Variants in SCAPER observed in about 807,000 individuals in gnomAD.
SCAPER encodes S phase cyclin A-associated protein in the endoplasmic reticulum.
Under a neutral mutation model 182.2 loss-of-function variants are expected in SCAPER, and 98 were observed. The observed-to-expected ratio is 0.54, with a 90% CI of 0.46 to 0.64. The LOEUF (loss-of-function observed/expected upper bound fraction) is 0.64. SCAPER is among the 30% of genes least tolerant of loss of function. SCAPER has a pLI of 0.00. For missense variants in SCAPER, 1,432 were observed against 1,690.0 expected, an observed-to-expected ratio of 0.85 and a Z score of 2.68; for synonymous variants, 605 against 564.6, an observed-to-expected ratio of 1.07 and a Z score of -1.01.
chr15:76,769,639 G>A (rs181891115), intron 10 of SCAPER, among the ~76,000 whole-genome samples: 19 of 150,868 alleles, frequency 1.3e-4, no homozygotes, highest in Admixed American at 4.0e-4. Context: ...CAGTTAGAAC[G>A]GCGATCATTA....
intron 21 of SCAPER, among the ~76,000 whole-genome samples, chr15:76,635,058 C>T (rs115278166): frequency 0.015 from 2,353 of 152,142 alleles, 60 homozygotes; most frequent in African/African-American, 0.054. Flanking sequence ...AAGACTGAAA[C>T]GTTTCTAATA....
chr15:76,397,088 T>C (rs941014268), intron 27 of SCAPER, among the ~76,000 whole-genome samples: 1 of 152,072 alleles, frequency 6.6e-6, no homozygotes, highest in African/African-American at 2.4e-5. Flanking sequence ...GAAATGATCA[T>C]TTAGTTTTTG....
intron 24 of SCAPER, among the ~76,000 whole-genome samples, chr15:76,487,749 C>A (rs78720808): frequency 9.2e-5 from 14 of 152,106 alleles, no homozygotes; most frequent in African/African-American, 2.9e-4. Context: ...TAATCTCCTG[C>A]AATTCTTATT....
chr15:76,828,405 C>T (rs1358041043), intron 5 of SCAPER, among the ~76,000 whole-genome samples: 1 of 151,786 alleles, frequency 6.6e-6, no homozygotes, highest in Non-Finnish European at 1.5e-5. Flanking sequence ...AAAATCAATG[C>T]TCTATCATAT....
chr15:76,572,425 T>C (rs560669497), intron 23 of SCAPER, among the ~76,000 whole-genome samples: 2 of 152,234 alleles, frequency 1.3e-5, no homozygotes, highest in Non-Finnish European at 1.5e-5. Flanking sequence ...ACCTCTGATA[T>C]CCTGAAAGGG....
At chr15:76,815,418 T>C (rs1197934642) in intron 5 of SCAPER, among the ~76,000 whole-genome samples, 3 of 152,154 alleles carry the variant, frequency 2.0e-5, no homozygotes, top group African/African-American at 4.8e-5. Flanking sequence ...TACACACACA[T>C]ACATACAGTC....
At chr15:76,715,297 G>A (rs6495214) in intron 17 of SCAPER, among the ~76,000 whole-genome samples, 14,124 of 151,678 alleles carry the variant, frequency 0.093, 827 homozygotes, top group African/African-American at 0.16. Flanking sequence ...CCCCACCCCG[G>A]CCCAGGGATC....
chr15:76,421,630 A>G (rs1294646498), intron 26 of SCAPER, among the ~76,000 whole-genome samples: 1 of 152,056 alleles, frequency 6.6e-6, no homozygotes. Context: ...GTTTAATTAG[A>G]TCCCATTTGT....
At chr15:76,803,004 T>G (rs1402720208) in intron 6 of SCAPER, among the ~76,000 whole-genome samples, 1 of 152,198 alleles carries the variant, frequency 6.6e-6, no homozygotes, top group East Asian at 1.9e-4. Flanking sequence ...CCATCATCTC[T>G]AAACTACATT....
chr15:76,369,597 G>A lies in SCAPER; in HGVS notation c.3855+6565C>T, dbSNP rs190075485. ...ATGAAGGTGCCATGAATCTATGACT[G>A]AAGAAGCTAAGGCCAGTGCTGAAAA... On this transcript the variant is annotated intron_variant, in intron 29 of 31. Transcript: ENST00000563290. 2.2e-3 allele frequency among the ~76,000 whole-genome samples: 328 copies of A among 152,320 alleles called. 1 individual carries two copies. Among genetic ancestry groups the A allele is most frequent in the African/African-American group, 7.6e-3 (314 of 41,570 alleles).
intron 21 of SCAPER, among the ~76,000 whole-genome samples, chr15:76,622,850 T>C (rs1364526270): frequency 6.6e-6 from 1 of 152,164 alleles, no homozygotes; most frequent in African/African-American, 2.4e-5. Flanking sequence ...CCACATCTCA[T>C]GTGGAAATGC....
At chr15:76,583,052 C>A (rs1169514644) in intron 22 of SCAPER, among the ~76,000 whole-genome samples, 1 of 151,982 alleles carries the variant, frequency 6.6e-6, no homozygotes, top group Non-Finnish European at 1.5e-5. Flanking sequence ...TTGGACTGAG[C>A]AAAAATTTCC....
intron 21 of SCAPER, among the ~76,000 whole-genome samples, chr15:76,640,709 G>A (rs539030902): frequency 3.9e-4 from 60 of 152,326 alleles, no homozygotes; most frequent in Admixed American, 3.1e-3. Flanking sequence ...TCAGAGAAAA[G>A]GGGGAGATGT....
chr15:76,832,652 G>A (rs1349267763), intron 5 of SCAPER, among the ~76,000 whole-genome samples: 1 of 152,186 alleles, frequency 6.6e-6, no homozygotes, highest in Non-Finnish European at 1.5e-5. Flanking sequence ...ACTGAATCAT[G>A]AGGGTGAATC....
chr15:76,675,473 A>G (rs2057315079), intron 20 of SCAPER, among the ~76,000 whole-genome samples: 1 of 152,234 alleles, frequency 6.6e-6, no homozygotes, highest in South Asian at 2.1e-4. Context: ...TGACCTCATC[A>G]CTTTCCTTGC....
intron 20 of SCAPER, among the ~76,000 whole-genome samples, chr15:76,683,572 T>G (rs1389499089): frequency 6.6e-6 from 1 of 151,732 alleles, no homozygotes; most frequent in Non-Finnish European, 1.5e-5. Flanking sequence ...TGCACAATAC[T>G]ATACAAGATG....
At chr15:76,379,765 G>A (rs1359659173) in intron 28 of SCAPER, 1 of 150,272 alleles carries the variant, frequency 6.7e-6, no homozygotes, top group East Asian at 2.0e-4. Context: ...AAGCCCTTTA[G>A]GCTTAAAGGC....
At chr15:76,797,336 AAAT>A (rs1345415721) in intron 7 of SCAPER, 1 of 152,210 alleles carries the variant, frequency 6.6e-6, no homozygotes, top group Non-Finnish European at 1.5e-5. Flanking sequence ...CAATTTTTTA[AAAT>A]AATACAACTA....
intron 29 of SCAPER, among the ~76,000 whole-genome samples, chr15:76,361,199 G>A (rs921418063): frequency 1.3e-5 from 2 of 152,072 alleles, no homozygotes; most frequent in Non-Finnish European, 2.9e-5. Flanking sequence ...AGTCTATCAC[G>A]TTGTATAAAT....
Sources: allele counts gnomAD v4.1 joint callset (sites outside exome capture counted in the v4.1 genomes callset), GRCh38; gene constraint gnomAD v4.1.1; transcripts MANE v1.5; gene names NCBI Gene and HGNC (gene_info 2026-07-23, HGNC 2026-07-21).